DPYS: variants seen among roughly 807,000 people sequenced by gnomAD.
The protein encoded by DPYS is dihydropyrimidinase, also known as dihydropyrimidine amidohydrolase.
A neutral mutation model predicts 50.3 loss-of-function variants in DPYS; 39 were observed. The ratio of observed to expected loss-of-function variants is 0.78; its 90% CI spans 0.60 to 1.01. The LOEUF (loss-of-function observed/expected upper bound fraction) is 1.01, where lower values mean the gene tolerates loss of function less well. Ranked by LOEUF, DPYS falls within the 50% of genes least tolerant of loss-of-function variation. The probability of loss-of-function intolerance (pLI) is 0.00; values close to 1 mark genes in which losing one functional copy is unlikely to be tolerated. For synonymous variants in DPYS, 245 were observed against 250.7 expected, an observed-to-expected ratio of 0.98 and a Z score of 0.22; for missense variants, 659 against 680.9, an observed-to-expected ratio of 0.97 and a Z score of 0.36.
intron 7 of DPYS, among the ~76,000 whole-genome samples, chr8:104,405,211 T>C (rs1207165898): frequency 6.6e-6 from 1 of 152,208 alleles, no homozygotes; most frequent in Non-Finnish European, 1.5e-5. Context: ...CATTGCCTCA[T>C]TGAATCTCTC....
chr8:104,406,068 G>A (rs746704111), intron 7 of DPYS, among the ~76,000 whole-genome samples: 9 of 152,314 alleles, frequency 5.9e-5, no homozygotes, highest in South Asian at 2.1e-4. Context: ...GGGTTACACC[G>A]TCAGTAAGTG....
At chr8:104,379,943 A>G in intron 9 of DPYS, 100 bp from the exon 10 acceptor site, 2 of 414,680 alleles carry the variant, frequency 4.8e-6, no homozygotes, top group Non-Finnish European at 9.8e-6. Context: ...CAAAGTAAAC[A>G]CTAATCCTGC....
intron 4 of DPYS, among the ~76,000 whole-genome samples, chr8:104,438,378 T>C (rs147677168): frequency 6.6e-6 from 1 of 152,206 alleles, no homozygotes; most frequent in East Asian, 1.9e-4. Flanking sequence ...ATTGGAAAAA[T>C]GTCAGGAGAA....
chr8:104,400,482 G>T lies in DPYS; in HGVS notation c.1236-7491C>A, dbSNP rs554506444. On this transcript the variant is annotated intron_variant, in intron 7 of 9. Transcript: ENST00000351513. ...AAACGCAAAGCAGCTCAAGAGAGTG[G>T]CAATTGTGAGAAATACATTCTCTCT... is the stretch of plus-strand genomic sequence containing the variant. 1.2e-3 allele frequency among the ~76,000 whole-genome samples: 183 copies of T among 152,322 alleles called. 1 individual carries two copies. The highest frequency in any genetic ancestry group is 4.2e-3 in the African/African-American group (173 of 41,576).
At chr8:104,390,599 G>A (rs1811356578) in intron 8 of DPYS, among the ~76,000 whole-genome samples, 1 of 151,726 alleles carries the variant, frequency 6.6e-6, no homozygotes, top group Admixed American at 6.6e-5. Context: ...CCAGGTTCAA[G>A]CTATTCTCGT....
chr8:104,390,055 A>C (rs1450497064), intron 8 of DPYS, among the ~76,000 whole-genome samples: 1 of 152,238 alleles, frequency 6.6e-6, no homozygotes, highest in Admixed American at 6.5e-5. Context: ...AAGCATTTAA[A>C]TATGGTCTAT....
chr8:104,388,126 GA>G (rs975816823), intron 8 of DPYS, among the ~76,000 whole-genome samples: 12 of 152,282 alleles, frequency 7.9e-5, no homozygotes, highest in African/African-American at 2.9e-4. Flanking sequence ...ACCACCTTGA[GA>G]AAGACATTGA....
chr8:104,382,607 C>G (rs1811093724), intron 8 of DPYS, among the ~76,000 whole-genome samples: 2 of 150,652 alleles, frequency 1.3e-5, no homozygotes, highest in African/African-American at 4.9e-5. Flanking sequence ...TCACTTAAAC[C>G]TAGGGTGACT....
intron 8 of DPYS, among the ~76,000 whole-genome samples, chr8:104,385,835 G>C (rs1009382790): frequency 1.4e-4 from 22 of 152,180 alleles, no homozygotes; most frequent in African/African-American, 5.1e-4. Context: ...TCCATGGGAT[G>C]ACACAGCAAG....
At chr8:104,418,216 C>T (rs535079913) in intron 7 of DPYS, among the ~76,000 whole-genome samples, 227 of 152,304 alleles carry the variant, frequency 1.5e-3, no homozygotes, top group Admixed American at 3.2e-3. Flanking sequence ...GCGGGCGCCC[C>T]CTTCAGCATC....
intron 7 of DPYS, among the ~76,000 whole-genome samples, chr8:104,410,731 A>G (rs1489479891): frequency 6.6e-6 from 1 of 152,196 alleles, no homozygotes; most frequent in Non-Finnish European, 1.5e-5. Context: ...AATCTGCTAT[A>G]CTTCACCTAA....
At chr8:104,462,617 G>A (rs1012582464) in intron 1 of DPYS, among the ~76,000 whole-genome samples, 8 of 152,138 alleles carry the variant, frequency 5.3e-5, no homozygotes, top group Admixed American at 2.0e-4. Flanking sequence ...TGACACTACC[G>A]GGTTTTCAGT....
intron 6 of DPYS, among the ~76,000 whole-genome samples, chr8:104,427,289 T>G: frequency 6.6e-6 from 1 of 151,878 alleles, no homozygotes; most frequent in African/African-American, 2.4e-5. Context: ...TGTATTTTTT[T>G]TTTTTTGTGA....
chr8:104,405,363 C>T (rs1442609342), intron 7 of DPYS, among the ~76,000 whole-genome samples: 1 of 152,206 alleles, frequency 6.6e-6, no homozygotes, highest in Non-Finnish European at 1.5e-5. Flanking sequence ...TGCCCCAGTA[C>T]TCCAGCCATC....
chr8:104,444,571 T>G, intron 3 of DPYS, 134 bp from the exon 4 acceptor site: 1 of 806,406 alleles, frequency 1.2e-6, no homozygotes, highest in Non-Finnish European at 2.0e-6. Flanking sequence ...TGTCTGTGTG[T>G]GTGTGTATAT....
chr8:104,405,319 T>G (rs1337355930), intron 7 of DPYS, among the ~76,000 whole-genome samples: 2 of 152,186 alleles, frequency 1.3e-5, no homozygotes, highest in Non-Finnish European at 2.9e-5. Context: ...GAAATCAAAC[T>G]TAGCAGGTTG....
chr8:104,380,670 G>A (rs1315366436), intron 9 of DPYS: 1 of 157,238 alleles, frequency 6.4e-6, no homozygotes, highest in Admixed American at 6.0e-5. Context: ...GACTGTATCT[G>A]TAATATTATT....
rs1008184137 is a variant in DPYS at position 104,403,692 on chromosome 8, A to G, written c.1236-10701T>C. ...AGGGAAATGAAAAGAGTGAGTAAGC[A>G]TAAATGCTGACAGAGGAAATGTAGT... On this transcript the variant is annotated intron_variant, in intron 7 of 9. Transcript: ENST00000351513. 2.0e-5 allele frequency among the ~76,000 whole-genome samples: 3 copies of G among 152,248 alleles called. No homozygotes were observed. In the East Asian group the frequency reaches 5.8e-4, roughly 29 times the overall value.
chr8:104,388,618 C>T (rs1294025247), intron 8 of DPYS, among the ~76,000 whole-genome samples: 1 of 152,114 alleles, frequency 6.6e-6, no homozygotes, highest in Non-Finnish European at 1.5e-5. Context: ...CCTTAAACAA[C>T]TTTTATATGA....
Sources: gnomAD v4.1 joint callset for allele counts (sites outside exome capture counted in the v4.1 genomes callset) on GRCh38, gnomAD v4.1.1 for gene constraint, MANE v1.5 for transcripts, NCBI Gene and HGNC (gene_info 2026-07-23, HGNC 2026-07-21) for gene names.